Variants in EFCAB5 observed in about 807,000 individuals in gnomAD.
The protein encoded by EFCAB5 is EF-hand calcium binding domain 5.
A neutral mutation model predicts 167.9 loss-of-function variants in EFCAB5; 131 were observed. The ratio of observed to expected loss-of-function variants is 0.78; its 90% CI spans 0.68 to 0.90. The LOEUF is 0.90. Among genes scored for constraint, EFCAB5 ranks in the 40% least tolerant of loss-of-function variants. The pLI is 0.00. For missense variants in EFCAB5, 1,663 were observed against 1,745.2 expected (o/e 0.95, Z 0.84); for synonymous variants, 574 against 602.8 (o/e 0.95, Z 0.70).
At chr17:30,036,117 A>G (rs1266201870) in intron 8 of EFCAB5, among the ~76,000 whole-genome samples, 2 of 143,896 alleles carry the variant, frequency 1.4e-5, no homozygotes, top group African/African-American at 5.1e-5. Flanking sequence ...TTTAATATAT[A>G]AATATATATG....
chr17:30,003,973 C>A (rs900105094), intron 7 of EFCAB5, among the ~76,000 whole-genome samples: 17 of 152,196 alleles, frequency 1.1e-4, no homozygotes, highest in African/African-American at 4.1e-4. Context: ...ATGAGGCATG[C>A]AGACACATTG....
At chr17:29,938,180 AT>A (rs67108830), upstream of EFCAB5, among the ~76,000 whole-genome samples, 5,874 of 152,332 alleles carry the variant, frequency 0.039, 170 homozygotes, top group Non-Finnish European at 0.059. Context: ...GAACATCACA[AT>A]AAAGTGGTCA....
At chr17:30,019,893 C>A (rs1271760866) in intron 7 of EFCAB5, among the ~76,000 whole-genome samples, 1 of 152,020 alleles carries the variant, frequency 6.6e-6, no homozygotes, top group African/African-American at 2.4e-5. Flanking sequence ...TTTTAATTGA[C>A]AAATTATAAT....
intron 7 of EFCAB5, among the ~76,000 whole-genome samples, chr17:30,013,036 C>T (rs2068945039): frequency 6.6e-6 from 1 of 152,142 alleles, no homozygotes; most frequent in Non-Finnish European, 1.5e-5. Context: ...TTGTCGAAGG[C>T]CTTCTCTGCA....
At chr17:29,975,801 T>C (rs2068053807) in intron 4 of EFCAB5, among the ~76,000 whole-genome samples, 1 of 152,154 alleles carries the variant, frequency 6.6e-6, no homozygotes, top group African/African-American at 2.4e-5. Context: ...TCACCTGGGG[T>C]GCTTGGTTAA....
upstream of EFCAB5, among the ~76,000 whole-genome samples, chr17:29,940,142 C>T (rs1221153508): frequency 6.7e-6 from 1 of 149,700 alleles, no homozygotes; most frequent in Non-Finnish European, 1.5e-5. Flanking sequence ...ATGGCATGAT[C>T]TTGGCTCGCT....
chr17:30,059,825 A>C (rs2070377683), intron 14 of EFCAB5, 124 bp downstream of exon 14: 1 of 650,900 alleles, frequency 1.5e-6, no homozygotes, highest in Non-Finnish European at 2.3e-6. Flanking sequence ...CATGTCTACC[A>C]GTATAGATAT....
chr17:29,995,986 G>T lies in EFCAB5; in HGVS notation c.925-326G>T, dbSNP rs150536166. Among the ~76,000 whole-genome samples the T allele has an allele frequency of 1.7e-3, 259 of 152,122 alleles. 3 individuals are homozygous for T. Among genetic ancestry groups the T allele is most frequent in the Admixed American group, 0.016 (243 of 15,280 alleles). ...CAGAATTCATGTTGCTCTAATAGGG[G>T]CTCTTTTCAAACTGATGTCTTATCC... On this transcript the variant is annotated intron_variant, in intron 5 of 22. Coordinates refer to ENST00000394835, the MANE Select transcript of EFCAB5 (RefSeq NM_198529.4).
At chr17:29,940,097 G>A (rs1186923974), upstream of EFCAB5, among the ~76,000 whole-genome samples, 1 of 143,564 alleles carries the variant, frequency 7.0e-6, no homozygotes, top group African/African-American at 2.6e-5. Flanking sequence ...TTTTTTTTGA[G>A]ATGGAGTTTC....
chr17:30,065,680 A>ATGTTAGGTC (rs1391755527), intron 14 of EFCAB5: 4 of 152,162 alleles, frequency 2.6e-5, no homozygotes, highest in Non-Finnish European at 5.9e-5. Context: ...AGAAAGAAAG[A>ATGTTAGGTC]AAAAAACATG....
At chr17:29,957,804 C>A (rs1841811641) in intron 3 of EFCAB5, among the ~76,000 whole-genome samples, 1 of 152,070 alleles carries the variant, frequency 6.6e-6, no homozygotes, top group African/African-American at 2.4e-5. Context: ...GTTAATGTAT[C>A]TTTATAACAG....
At chr17:30,055,333 G>A (rs1043231757) in intron 10 of EFCAB5, among the ~76,000 whole-genome samples, 8 of 135,908 alleles carry the variant, frequency 5.9e-5, no homozygotes, top group Non-Finnish European at 1.3e-4. Flanking sequence ...AGGAAGGAAG[G>A]AAGGAAGGAA....
At chr17:29,968,217 G>A in intron 3 of EFCAB5, 2 of 403,908 alleles carry the variant, frequency 5.0e-6, no homozygotes, top group Non-Finnish European at 9.8e-6. Context: ...CAGTGTTGTA[G>A]CAGATGAAAA....
intron 21 of EFCAB5, among the ~76,000 whole-genome samples, 166 bp downstream of exon 21, chr17:30,092,323 G>A: frequency 6.6e-6 from 1 of 152,120 alleles, no homozygotes. Flanking sequence ...AGCATTTATG[G>A]AATCCCAAAA....
chr17:30,034,473 T>C, intron 8 of EFCAB5, 88 bp downstream of exon 8: 2 of 1,474,436 alleles, frequency 1.4e-6, no homozygotes, highest in Non-Finnish European at 1.8e-6. Context: ...CTGAGGCTGG[T>C]GGATTACTTG....
intron 3 of EFCAB5, among the ~76,000 whole-genome samples, chr17:29,965,351 T>C (rs2067807153): frequency 6.6e-6 from 1 of 152,342 alleles, no homozygotes; most frequent in Non-Finnish European, 1.5e-5. Context: ...TTTTCCTTTA[T>C]TGATTTCTAA....
intron 8 of EFCAB5, among the ~76,000 whole-genome samples, chr17:30,042,539 A>T (rs966164626): frequency 2.0e-5 from 3 of 152,208 alleles, no homozygotes; most frequent in African/African-American, 7.2e-5. Flanking sequence ...TGCAAATTAC[A>T]TTAAATGGAT....
At chr17:29,976,621 T>A (rs932318035) in intron 4 of EFCAB5, among the ~76,000 whole-genome samples, 1 of 152,128 alleles carries the variant, frequency 6.6e-6, no homozygotes, top group Non-Finnish European at 1.5e-5. Context: ...TACCATTGTT[T>A]GTGTTACCTT....
chr17:30,056,168 C>T lies in EFCAB5; in HGVS notation c.2365+12C>T, dbSNP rs745908356. ...CTCCAGGTTCACAGGTACATGTTAA[C>T]AATGAAAGTAGGAATAGATGGCAGT... On this transcript the variant is annotated intron_variant, in intron 12 of 22. Transcript: ENST00000394835. The T allele has an allele frequency of 6.3e-7, 1 of 1,597,382 alleles. No individual in the cohort carries two copies. The highest frequency in any genetic ancestry group is 1.3e-5 in the African/African-American group (1 of 74,668).
Sources: gnomAD v4.1 joint callset for allele counts (sites outside exome capture counted in the v4.1 genomes callset) on GRCh38, gnomAD v4.1.1 for gene constraint, MANE v1.5 for transcripts, NCBI Gene and HGNC (gene_info 2026-07-23, HGNC 2026-07-21) for gene names.